The following SCLT1 variants were observed in gnomAD, a reference collection of about 807,000 sequenced individuals.
SCLT1 encodes sodium channel-associated protein 1.
A neutral mutation model predicts 112.8 loss-of-function variants in SCLT1; 78 were observed. The observed-to-expected ratio is 0.69, with a 90% CI of 0.58 to 0.83. The LOEUF (loss-of-function observed/expected upper bound fraction) is 0.83. Ranked by LOEUF, SCLT1 falls within the 40% of genes least tolerant of loss-of-function variation. The probability of loss-of-function intolerance (pLI) is 0.00; values close to 1 mark genes in which losing one functional copy is unlikely to be tolerated. For missense variants in SCLT1, 747 were observed against 770.4 expected (o/e 0.97, Z 0.36); for synonymous variants, 257 against 254.7 (o/e 1.01, Z -0.09).
chr4:128,999,328 C>T (rs1005249112), intron 7 of SCLT1, among the ~76,000 whole-genome samples: 2 of 151,842 alleles, frequency 1.3e-5, no homozygotes, highest in African/African-American at 4.8e-5. Context: ...AACTAATAAA[C>T]AATTTTGTTT....
At chr4:129,049,441 G>T (rs1338883652) in intron 2 of SCLT1, among the ~76,000 whole-genome samples, 2 of 134,380 alleles carry the variant, frequency 1.5e-5, no homozygotes, top group South Asian at 2.3e-4. Context: ...AGAACACATG[G>T]ACACAGGAAG....
intron 17 of SCLT1, 50 bp from the exon 18 acceptor site, chr4:128,936,901 T>C: frequency 3.7e-6 from 3 of 807,012 alleles, no homozygotes; most frequent in Non-Finnish European, 5.6e-6. Flanking sequence ...TTATAGGTGC[T>C]ATACAGATCA....
chr4:128,980,472 T>C, intron 9 of SCLT1, among the ~76,000 whole-genome samples: 1 of 152,242 alleles, frequency 6.6e-6, no homozygotes, highest in African/African-American at 2.4e-5. Context: ...CCAGATTTAA[T>C]ATGATAGAGC....
intron 2 of SCLT1, among the ~76,000 whole-genome samples, chr4:129,081,342 G>A (rs536736851): frequency 2.6e-5 from 4 of 152,286 alleles, no homozygotes; most frequent in South Asian, 2.1e-4. Flanking sequence ...AGGCTCTAAC[G>A]CTCTGGTCCC....
At chr4:129,038,389 C>T (rs191904890) in intron 5 of SCLT1, among the ~76,000 whole-genome samples, 2 of 152,194 alleles carry the variant, frequency 1.3e-5, no homozygotes, top group Admixed American at 1.3e-4. Context: ...TTCCTTGAAA[C>T]TCTTGCACTT....
intron 17 of SCLT1, among the ~76,000 whole-genome samples, chr4:128,940,610 C>T (rs1737608484): frequency 6.6e-6 from 1 of 151,434 alleles, no homozygotes; most frequent in Non-Finnish European, 1.5e-5. Flanking sequence ...CACTATATGT[C>T]AAAAATACAT....
At chr4:129,064,029 T>C (rs1190064159) in intron 2 of SCLT1, among the ~76,000 whole-genome samples, 1 of 152,236 alleles carries the variant, frequency 6.6e-6, no homozygotes, top group Admixed American at 6.5e-5. Context: ...AATAGTATTC[T>C]GGAACTTCTC....
At chr4:128,922,516 T>G (rs1735965458) in intron 18 of SCLT1, among the ~76,000 whole-genome samples, 2 of 152,146 alleles carry the variant, frequency 1.3e-5, no homozygotes, top group Admixed American at 1.3e-4. Context: ...CGGATGGAGT[T>G]GGAGGCCACA....
intron 18 of SCLT1, among the ~76,000 whole-genome samples, chr4:128,901,438 G>A (rs1352481770): frequency 6.6e-6 from 1 of 150,636 alleles, no homozygotes; most frequent in South Asian, 2.1e-4. Flanking sequence ...ACCAAACACC[G>A]CATGTTCTCA....
intron 5 of SCLT1, among the ~76,000 whole-genome samples, chr4:129,017,666 C>CAT (rs1745111058): frequency 6.6e-6 from 1 of 151,890 alleles, no homozygotes; most frequent in Non-Finnish European, 1.5e-5. Flanking sequence ...TATTAAAATA[C>CAT]ATAAGCAAGT....
chr4:129,022,677 A>G (rs1444189482), intron 5 of SCLT1, among the ~76,000 whole-genome samples: 1 of 152,186 alleles, frequency 6.6e-6, no homozygotes, highest in African/African-American at 2.4e-5. Context: ...TGACTGGGGA[A>G]CCTGAAAGTG....
chr4:129,083,013 G>A (rs1011659625), intron 1 of SCLT1, among the ~76,000 whole-genome samples: 6 of 151,876 alleles, frequency 4.0e-5, no homozygotes, highest in East Asian at 1.9e-4. Context: ...CCAACATGGT[G>A]AAACCCCATC....
At chr4:128,978,277 G>T (rs544064610) in intron 9 of SCLT1, among the ~76,000 whole-genome samples, 1 of 152,222 alleles carries the variant, frequency 6.6e-6, no homozygotes. Context: ...AAGGTCAGAG[G>T]TGTATACTTG....
chr4:128,965,653 A>C (rs1300212766), intron 10 of SCLT1, among the ~76,000 whole-genome samples: 1 of 152,196 alleles, frequency 6.6e-6, no homozygotes, highest in Non-Finnish European at 1.5e-5. Context: ...ATGCTCTCTT[A>C]ACTATATTAT....
intron 18 of SCLT1, among the ~76,000 whole-genome samples, chr4:128,935,067 G>T (rs943383280): frequency 6.6e-6 from 1 of 151,842 alleles, no homozygotes; most frequent in African/African-American, 2.4e-5. Flanking sequence ...CTATTGAAAA[G>T]ACCTTATGAT....
chr4:129,057,395 G>A (rs966413663), intron 2 of SCLT1, among the ~76,000 whole-genome samples: 1 of 148,760 alleles, frequency 6.7e-6, no homozygotes, highest in East Asian at 2.0e-4. Flanking sequence ...AATTTTAGAA[G>A]AATTAATATT....
chr4:129,006,505 T>G (rs1259378549), intron 5 of SCLT1, among the ~76,000 whole-genome samples: 2 of 141,262 alleles, frequency 1.4e-5, no homozygotes, highest in Non-Finnish European at 3.0e-5. Flanking sequence ...GCCACTGTAC[T>G]CCAGCCTGGG....
At chr4:129,050,131 G>T (rs1420503834) in intron 2 of SCLT1, among the ~76,000 whole-genome samples, 2 of 152,092 alleles carry the variant, frequency 1.3e-5, no homozygotes, top group Non-Finnish European at 2.9e-5. Context: ...TCTTTATCCA[G>T]TCTATCATTG....
chr4:129,067,829 CTTTTT>C (rs568059639), intron 2 of SCLT1, among the ~76,000 whole-genome samples: 2 of 142,116 alleles, frequency 1.4e-5, no homozygotes, highest in African/African-American at 2.6e-5. Flanking sequence ...AATATTTTAA[CTTTTT>C]TTTTTTTTTT....
Sources: gnomAD v4.1 joint callset for allele counts (sites outside exome capture counted in the v4.1 genomes callset) on GRCh38, gnomAD v4.1.1 for gene constraint, MANE v1.5 for transcripts, NCBI Gene and HGNC (gene_info 2026-07-23, HGNC 2026-07-21) for gene names.